Variants in LRRC49 observed in about 807,000 individuals in gnomAD.
LRRC49 encodes the protein leucine-rich repeat-containing protein 49.
LRRC49 carries 50 observed loss-of-function variants against 83.3 expected under a neutral mutation model. The ratio of observed to expected loss-of-function variants is 0.60; its 90% CI spans 0.48 to 0.76. The LOEUF (loss-of-function observed/expected upper bound fraction) is 0.76, where lower values mean the gene tolerates loss of function less well. Among genes scored for constraint, LRRC49 ranks in the 30% least tolerant of loss-of-function variants. LRRC49 has a pLI of 0.00. For missense variants in LRRC49, 704 were observed against 809.1 expected (o/e 0.87, Z 1.58); for synonymous variants, 286 against 283.3 (o/e 1.01, Z -0.10).
Position 71,043,726 on chromosome 15 carries a change from A to G in LRRC49, c.1858-5683A>G, listed in dbSNP as rs759514457. On this transcript the variant is annotated intron_variant, in intron 15 of 15. Transcript: ENST00000260382. ...TTATAGCAGATACAATTCTATATCA[A>G]CATGTCCCTAGAGAAACAGTGGAAG... Among the ~76,000 whole-genome samples the G allele has an allele frequency of 1.9e-4, 29 of 152,246 alleles. 1 individual carries two copies. Among genetic ancestry groups the G allele is most frequent in the Non-Finnish European group, 2.5e-4 (17 of 68,040 alleles).
At chr15:71,018,393 A>G (rs1306738519) in intron 14 of LRRC49, among the ~76,000 whole-genome samples, 1 of 152,204 alleles carries the variant, frequency 6.6e-6, no homozygotes, top group Non-Finnish European at 1.5e-5. Flanking sequence ...ATTTCTGACA[A>G]TGATGAGTTT....
chr15:70,910,105 G>A (rs1345214460), intron 5 of LRRC49, among the ~76,000 whole-genome samples: 2 of 152,084 alleles, frequency 1.3e-5, no homozygotes, highest in African/African-American at 4.8e-5. Context: ...GGAGACTGAT[G>A]AGGAGGTGGT....
At chr15:70,965,875 A>G (rs1422898222) in intron 9 of LRRC49, among the ~76,000 whole-genome samples, 1 of 152,034 alleles carries the variant, frequency 6.6e-6, no homozygotes, top group Non-Finnish European at 1.5e-5. Context: ...ATAACTTTTT[A>G]GTAACTTTAG....
intron 1 of LRRC49, chr15:70,859,516 G>A: frequency 1.5e-6 from 1 of 683,956 alleles, no homozygotes; most frequent in South Asian, 1.4e-5. Flanking sequence ...TGCAGTAGGA[G>A]GAGATTGCCA....
chr15:71,023,219 A>T (rs1159395222), intron 14 of LRRC49, among the ~76,000 whole-genome samples: 5 of 152,214 alleles, frequency 3.3e-5, no homozygotes, highest in African/African-American at 7.2e-5. Flanking sequence ...TGAATGCGCT[A>T]AAACACTTAT....
rs1048408206 is a variant in LRRC49, at chr15:70,990,187, C to T, written c.1169+5930C>T. 2.6e-5 allele frequency among the ~76,000 whole-genome samples: 4 copies of T among 152,310 alleles called. No individual in the cohort carries two copies. The East Asian group carries it at 5.8e-4, about 22-fold the overall frequency. On this transcript the variant is annotated intron_variant, in intron 11 of 15. Transcript: ENST00000260382. The stretch of plus-strand genomic sequence containing the variant: ...AGCTGTCAGATAGGGACATTTAAGT[C>T]TGCGGAGGTTACTGCTGTCTTTTTG...
At chr15:70,858,732 A>G in intron 1 of LRRC49, 3 of 1,121,456 alleles carry the variant, frequency 2.7e-6, no homozygotes, top group Non-Finnish European at 3.8e-6. Flanking sequence ...AGGGTGACCC[A>G]GAAGTCCTAC....
upstream of LRRC49, chr15:70,891,933 C>G: frequency 6.2e-7 from 1 of 1,613,856 alleles, no homozygotes; most frequent in Non-Finnish European, 8.5e-7. Context: ...GCCTGGAGCT[C>G]TCCTCGCGTG....
chr15:70,985,510 T>C (rs574563471), intron 11 of LRRC49, among the ~76,000 whole-genome samples: 56 of 152,334 alleles, frequency 3.7e-4, no homozygotes, highest in African/African-American at 1.3e-3. Flanking sequence ...TTTGAGTTCA[T>C]TGTCGATTCT....
chr15:71,049,769 AGAAGGAAG>A lies in LRRC49; in HGVS notation c.*165_*172del, dbSNP rs1239800559. On this transcript the variant is annotated 3_prime_UTR_variant, in exon 16 of 16. Coordinates refer to ENST00000260382, the MANE Select transcript of LRRC49 (RefSeq NM_017691.5). ...CCACTGTTCTCATAGCTAAAAGTTA[AGAAGGAAG>A]GAAGGAAAGCAGGAGAAAGGAAGGA... is the stretch of plus-strand genomic sequence containing the variant. 1.6e-5 allele frequency: 9 copies of A among 571,020 alleles called. No individual in the cohort carries two copies. The African/African-American group carries it at 1.7e-4, about 11-fold the overall frequency. 35.4% of individuals were successfully genotyped at this position (571,020 alleles called of 1,614,324 possible).
At chr15:70,865,513 C>A (rs1177714382) in intron 1 of LRRC49, among the ~76,000 whole-genome samples, 1 of 152,182 alleles carries the variant, frequency 6.6e-6, no homozygotes, top group African/African-American at 2.4e-5. Flanking sequence ...GAACAAAAAC[C>A]AGGATCCAAT....
chr15:71,018,335 A>C (rs943268919), intron 14 of LRRC49, among the ~76,000 whole-genome samples: 1 of 152,154 alleles, frequency 6.6e-6, no homozygotes, highest in South Asian at 2.1e-4. Context: ...TGAAAAGAGT[A>C]GTTTTTGAGT....
intron 9 of LRRC49, among the ~76,000 whole-genome samples, chr15:70,975,025 G>C (rs192481271): frequency 1.3e-5 from 2 of 152,332 alleles, no homozygotes; most frequent in Admixed American, 1.3e-4. Flanking sequence ...TTAATTATGA[G>C]ATGTGATTAT....
chr15:71,030,984 A>G lies in LRRC49; in HGVS notation c.1704-6195A>G, dbSNP rs536450488. ...AGCTCAAAAGAGTTTGTTATTACCC[A>G]TCTTCTGAAGCCTACTTCTGTCAAA... On this transcript the variant is annotated intron_variant, in intron 14 of 15. Transcript: ENST00000260382. 3.9e-5 allele frequency among the ~76,000 whole-genome samples: 6 copies of G among 152,152 alleles called. No individual in the cohort carries two copies. In the East Asian group the frequency reaches 1.2e-3, roughly 30 times the overall value.
intron 1 of LRRC49, chr15:70,854,203 C>T: frequency 1.4e-6 from 1 of 728,084 alleles, no homozygotes; most frequent in East Asian, 5.0e-5. Flanking sequence ...CCGCTCGGCC[C>T]AGGGGAGGGA....
In LRRC49 at chr15:71,006,090, G is replaced by A. The variant is rs765888532; in HGVS notation, c.1170-2289G>A. On this transcript the variant is annotated intron_variant, in intron 11 of 15. Transcript: ENST00000260382. ...CTGTCTGCAGCCCAGGAGACTTGCC[G>A]TTTGTTTTTACCAAATGGGCATGTG... Among the ~76,000 whole-genome samples, 6 of 152,130 alleles carry A rather than the reference G, an allele frequency of 3.9e-5. No individual in the cohort carries two copies. The South Asian group carries it at 6.2e-4, about 16-fold the overall frequency.
At chr15:71,028,818 A>G (rs1274912313) in intron 14 of LRRC49, among the ~76,000 whole-genome samples, 1 of 151,878 alleles carries the variant, frequency 6.6e-6, no homozygotes, top group Non-Finnish European at 1.5e-5. Flanking sequence ...TATTGTGTCT[A>G]TTTGATTCCT....
At chr15:70,858,578 T>C in intron 1 of LRRC49, 4 of 464,068 alleles carry the variant, frequency 8.6e-6, no homozygotes, top group Non-Finnish European at 1.5e-5. Flanking sequence ...CACTCCTGCC[T>C]GGGCGACAGA....
intron 1 of LRRC49, chr15:70,860,229 T>C: frequency 3.2e-6 from 2 of 624,112 alleles, no homozygotes; most frequent in South Asian, 1.9e-5. Flanking sequence ...AGGAGGCCGC[T>C]GTGCATGGTA....
Sources: gnomAD v4.1 joint callset for allele counts (sites outside exome capture counted in the v4.1 genomes callset) on GRCh38, gnomAD v4.1.1 for gene constraint, MANE v1.5 for transcripts, NCBI Gene and HGNC (gene_info 2026-07-23, HGNC 2026-07-21) for gene names.